POLR3A: variants seen among roughly 807,000 people sequenced by gnomAD.
POLR3A encodes the protein RNA polymerase III subunit A, also known as DNA-directed RNA polymerase III subunit RPC1.
POLR3A carries 112 observed loss-of-function variants against 152.8 expected under a neutral mutation model. The observed-to-expected ratio is 0.73, with a 90% CI of 0.63 to 0.86. The LOEUF is 0.86. Ranked by LOEUF, POLR3A falls within the 40% of genes least tolerant of loss-of-function variation. The pLI is 0.00. For missense variants in POLR3A, 1,385 were observed against 1,743.1 expected (o/e 0.79, Z 3.66); for synonymous variants, 615 against 652.1 (o/e 0.94, Z 0.87).
At position 77,977,474 on chromosome 10, in the gene POLR3A, T is replaced by C. The variant is rs1847100109; in HGVS notation, c.*4A>G. The C allele has an allele frequency of 6.2e-7, 1 of 1,613,994 alleles. No homozygotes were observed. The highest frequency in any genetic ancestry group is 8.5e-7 in the Non-Finnish European group (1 of 1,179,904). On this transcript the variant is annotated 3_prime_UTR_variant, in exon 31 of 31. Transcript: ENST00000372371. Reference sequence around the variant, plus strand: ...GGTCAGGCATGGTCCCCTCTTTCTTTGGACTATGTGACAAGGGGGATGTGG... The same window carrying C: ...GGTCAGGCATGGTCCCCTCTTTCTTCGGACTATGTGACAAGGGGGATGTGG...
At chr10:78,017,974 G>A (rs573536526) in intron 9 of POLR3A, among the ~76,000 whole-genome samples, 4 of 151,700 alleles carry the variant, frequency 2.6e-5, no homozygotes, top group African/African-American at 9.7e-5. Flanking sequence ...AGGAGATTGA[G>A]AACAGACTGG....
chr10:78,017,446 C>T, intron 10 of POLR3A, 129 bp downstream of exon 10: 1 of 763,170 alleles, frequency 1.3e-6, no homozygotes, highest in Non-Finnish European at 2.0e-6. Flanking sequence ...GAGCCTGTCT[C>T]AAAAAAAAAA....
At chr10:78,003,332 A>G (rs1450945367) in intron 16 of POLR3A, among the ~76,000 whole-genome samples, 1 of 152,224 alleles carries the variant, frequency 6.6e-6, no homozygotes, top group Non-Finnish European at 1.5e-5. Flanking sequence ...AATGTATTTC[A>G]TTAGAAAACT....
At chr10:77,994,905 C>T (rs1043812698) in intron 19 of POLR3A, among the ~76,000 whole-genome samples, 2 of 152,068 alleles carry the variant, frequency 1.3e-5, no homozygotes, top group African/African-American at 4.8e-5. Flanking sequence ...TAAGGGCAGC[C>T]AGAGAGAAAG....
intron 10 of POLR3A, among the ~76,000 whole-genome samples, chr10:78,016,575 G>A (rs1338557037): frequency 3.3e-5 from 5 of 152,040 alleles, no homozygotes; most frequent in African/African-American, 9.7e-5. Flanking sequence ...TTAGCTGGGC[G>A]TGGTGGCATG....
rs540339471 is a variant in POLR3A, at chr10:77,976,512, T to A, written c.*966A>T. ...CACGAATTCCTAATCCACAATCACA[T>A]CAGTAGGAAGGGAAAGCACTCATTC... On this transcript the variant is annotated 3_prime_UTR_variant, in exon 31 of 31. Transcript: ENST00000372371. 1.3e-5 allele frequency: 2 copies of A among 152,090 alleles called. No homozygotes were observed. The highest frequency in any genetic ancestry group is 3.9e-4 in the East Asian group (2 of 5,174). 9.4% of individuals were successfully genotyped at this position (152,090 alleles called of 1,614,324 possible).
chr10:77,991,549 G>A (rs1463173125), intron 20 of POLR3A, among the ~76,000 whole-genome samples: 2 of 152,096 alleles, frequency 1.3e-5, no homozygotes, highest in Admixed American at 1.3e-4. Flanking sequence ...TTGAGATGGA[G>A]TCTTGCTGGA....
Position 77,985,353 on chromosome 10 carries a change from G to A in POLR3A, c.3072-13C>T. ...CTCCATCTGTGCCCTAGAAGGCAAA[G>A]GTATGGATGAGATTGCAGCATGCCA... On this transcript the variant is annotated splice_polypyrimidine_tract_variant and intron_variant, in intron 23 of 30. Coordinates refer to ENST00000372371, the MANE Select transcript of POLR3A (RefSeq NM_007055.4). 6.2e-7 allele frequency: 1 copy of A among 1,611,596 alleles called. No homozygotes were observed. The highest frequency in any genetic ancestry group is 1.1e-5 in the South Asian group (1 of 91,022).
intron 14 of POLR3A, 27 bp from the exon 15 acceptor site, chr10:78,007,893 A>C: frequency 6.3e-7 from 1 of 1,595,134 alleles, no homozygotes. Flanking sequence ...ATATTTAGAC[A>C]ACAATTATTT....
Position 78,021,594 on chromosome 10 carries a change from C to CA in POLR3A, c.1136_1137insT (p.Glu379AspfsTer16). ...TGGCCACATGAACTGGCACAGCTAC[C>CA]TCATCAATCCGGAGGTTGGGGTCGG... On this transcript the variant is annotated frameshift_variant, in exon 8 of 31. Coordinates refer to ENST00000372371, the MANE Select transcript of POLR3A (RefSeq NM_007055.4). LOFTEE classifies it high-confidence loss of function. 4 of 1,614,108 alleles carry CA rather than the reference C, an allele frequency of 2.5e-6. No individual in the cohort carries two copies. The highest frequency in any genetic ancestry group is 3.4e-6 in the Non-Finnish European group (4 of 1,179,980).
At chr10:77,981,007 C>A (rs765633323) in intron 29 of POLR3A, among the ~76,000 whole-genome samples, 1 of 152,064 alleles carries the variant, frequency 6.6e-6, no homozygotes. Context: ...CTCAGCCTCC[C>A]GCCCCCAACT....
At position 77,983,946 on chromosome 10, in the gene POLR3A, C is replaced by T. The variant is rs1338825243; in HGVS notation, c.3403G>A (p.Glu1135Lys). 6.2e-7 allele frequency: 1 copy of T among 1,611,280 alleles called. No homozygotes were observed. Among genetic ancestry groups the T allele is most frequent in the Non-Finnish European group, 8.5e-7 (1 of 1,177,420 alleles). The change falls in exon 26 of 31, where the codon GAA becomes AAA. Residue 1135 changes from glutamate to lysine, a missense_variant. By Grantham distance (56) the Glu-to-Lys change is moderately conservative. This residue lies in a region of POLR3A where 332 missense variants were observed against 400.1 expected (regional missense o/e 0.83). Coordinates refer to ENST00000372371, the MANE Select transcript of POLR3A (RefSeq NM_007055.4). ...DCFILVKLSLERIRLLRLEVN... is the reference protein window; with the variant it reads ...DCFILVKLSLKRIRLLRLEVN... ...TCCAGTCTCAGAAGCCTAATCCGTT[C>T]CAGGGAGAGCTTGACGAGAATAAAG... is the stretch of plus-strand genomic sequence containing the variant.
Position 77,978,801 on chromosome 10 carries a change from C to T in POLR3A, c.4025-1175G>A, listed in dbSNP as rs549126794. Among the ~76,000 whole-genome samples, 271 of 148,010 alleles carry T rather than the reference C, an allele frequency of 1.8e-3. 1 individual carries two copies. Among genetic ancestry groups the T allele is most frequent in the African/African-American group, 6.7e-3 (267 of 40,102 alleles). ...TCAGCCTCCCGAGTAGCTGGGATTA[C>T]AGGTGCCTGCCACCGTGCCCAGCTA... On this transcript the variant is annotated intron_variant, in intron 30 of 30. Transcript: ENST00000372371.
intron 23 of POLR3A, 43 bp from the exon 24 acceptor site, chr10:77,985,383 A>G: frequency 6.6e-7 from 1 of 1,522,884 alleles, no homozygotes; most frequent in Non-Finnish European, 9.1e-7. Flanking sequence ...ATGCCAAAGA[A>G]AAGTCCAGCA....
intron 21 of POLR3A, among the ~76,000 whole-genome samples, chr10:77,987,505 G>A (rs1847208763): frequency 6.6e-6 from 1 of 152,074 alleles, no homozygotes; most frequent in African/African-American, 2.4e-5. Context: ...TCTTGATTCT[G>A]GGGTAGGCTG....
intron 19 of POLR3A, among the ~76,000 whole-genome samples, chr10:77,995,606 G>A (rs1008433890): frequency 2.0e-5 from 3 of 151,956 alleles, no homozygotes; most frequent in Non-Finnish European, 1.5e-5. Context: ...AACAAGAAGA[G>A]CTAACTATCC....
intron 27 of POLR3A, 40 bp from the exon 28 acceptor site, chr10:77,982,358 G>C (rs760552959): frequency 1.3e-6 from 2 of 1,594,092 alleles, no homozygotes; most frequent in Non-Finnish European, 1.7e-6. Context: ...GACGGGGTGA[G>C]CCATGCCCTG....
chr10:78,017,572 C>G lies in POLR3A; in HGVS notation c.1431+3G>C, dbSNP rs1172581761. On this transcript the variant is annotated splice_donor_region_variant and intron_variant, in intron 10 of 30. Coordinates refer to ENST00000372371, the MANE Select transcript of POLR3A (RefSeq NM_007055.4). ...GGAAAATTTAAAAAGCAGTGCTACT[C>G]ACCAGATGAGCCATAATGCTCAATT... 2 of 1,613,990 alleles carry G rather than the reference C, an allele frequency of 1.2e-6. No individual in the cohort carries two copies. The highest frequency in any genetic ancestry group is 1.7e-6 in the Non-Finnish European group (2 of 1,179,968).
intron 15 of POLR3A, among the ~76,000 whole-genome samples, chr10:78,005,553 T>C (rs1328304602): frequency 6.6e-6 from 1 of 152,272 alleles, no homozygotes; most frequent in Non-Finnish European, 1.5e-5. Context: ...GAGTGGCTTC[T>C]GGCTTAGCAG....
Sources: gnomAD v4.1 joint callset for allele counts (sites outside exome capture counted in the v4.1 genomes callset) on GRCh38, gnomAD v4.1.1 for gene constraint, gnomAD v4.1.1 regional missense constraint, MANE v1.5 for transcripts, NCBI Gene and HGNC (gene_info 2026-07-23, HGNC 2026-07-21) for gene names.